The following STEAP3 variants were observed in gnomAD, a reference collection of about 807,000 sequenced individuals.
STEAP3 encodes STEAP3 metalloreductase, also known as metalloreductase STEAP3.
In STEAP3, 35 loss-of-function variants were observed where a neutral mutation model predicts 34.9. That is an observed-to-expected ratio of 1.00 (90% CI 0.76 to 1.33). STEAP3 has a LOEUF of 1.33. Ranked by LOEUF, STEAP3 falls within the 40% of genes most tolerant of loss-of-function variation. The pLI, the probability that STEAP3 is intolerant of heterozygous loss-of-function variation, is 0.00. For synonymous variants in STEAP3, 281 were observed against 301.6 expected (o/e 0.93, Z 0.71); for missense variants, 652 against 667.6 (o/e 0.98, Z 0.26).
intron 2 of STEAP3, among the ~76,000 whole-genome samples, chr2:119,232,502 C>A (rs111998336): frequency 6.6e-6 from 1 of 152,152 alleles, no homozygotes; most frequent in African/African-American, 2.4e-5. Context: ...GTGCCTGCCC[C>A]GCTCCTCTCT....
chr2:119,248,264 T>TA lies in STEAP3; in HGVS notation c.1050+58_1050+59insA, dbSNP rs1677512140. 3 of 1,321,206 alleles carry TA rather than the reference T, an allele frequency of 2.3e-6. No individual in the cohort carries two copies. In the African/African-American group the frequency reaches 5.2e-5, roughly 23 times the overall value. 81.8% of individuals were successfully genotyped at this position (1,321,206 alleles called of 1,614,324 possible). The stretch of plus-strand genomic sequence containing the variant: ...ACTCAGCACATGCTTGTCCAGCACC[T>TA]CCCCCCCCCACCAACCAGGTGCAGC... On this transcript the variant is annotated intron_variant, in intron 4 of 5. Coordinates refer to ENST00000393110, the MANE Select transcript of STEAP3 (RefSeq NM_182915.3).
intron 2 of STEAP3, among the ~76,000 whole-genome samples, chr2:119,240,586 A>AGGCCCATG (rs1677219028): frequency 1.3e-5 from 2 of 152,226 alleles, no homozygotes; most frequent in South Asian, 4.1e-4. Flanking sequence ...GCTGGCAGGC[A>AGGCCCATG]GGCCCATGGG....
intron 2 of STEAP3, among the ~76,000 whole-genome samples, chr2:119,237,684 C>T (rs1677131012): frequency 6.6e-6 from 1 of 152,236 alleles, no homozygotes; most frequent in South Asian, 2.1e-4. Context: ...GGTTTACACA[C>T]ACTAGTAGCA....
In STEAP3 at chr2:119,230,778, T is replaced by G. The variant is rs550684478; in HGVS notation, c.-235T>G. On this transcript the variant is annotated 5_prime_UTR_variant, in exon 2 of 6. Transcript: ENST00000393110. ...AGAGCTGCGCTCTCTCAGTGCACTCTCCAACCAAGCATCAGTCACCACTCC... is the reference window on the plus strand; with the variant it reads ...AGAGCTGCGCTCTCTCAGTGCACTCGCCAACCAAGCATCAGTCACCACTCC... 3 of 612,688 alleles carry G rather than the reference T, an allele frequency of 4.9e-6. No individual in the cohort carries two copies. The highest frequency in any genetic ancestry group is 8.9e-6 in the Non-Finnish European group (3 of 338,574). 38.0% of individuals were successfully genotyped at this position (612,688 alleles called of 1,614,324 possible).
intron 2 of STEAP3, among the ~76,000 whole-genome samples, chr2:119,240,015 C>T (rs1677199960): frequency 6.6e-6 from 1 of 151,326 alleles, no homozygotes; most frequent in East Asian, 1.9e-4. Flanking sequence ...ATTTTACTGA[C>T]CAGACAAAAA....
chr2:119,242,109 G>A (rs1030215642), intron 2 of STEAP3, among the ~76,000 whole-genome samples: 3 of 152,162 alleles, frequency 2.0e-5, no homozygotes, highest in South Asian at 2.1e-4. Flanking sequence ...GGTGGGGACC[G>A]CTTCTCACTC....
In STEAP3 at chr2:119,225,762, G is replaced by A. The variant is rs12373677; in HGVS notation, c.-394+1874G>A. Among the ~76,000 whole-genome samples, 1,097 of 152,364 alleles carry A rather than the reference G, an allele frequency of 7.2e-3. 14 individuals carry two copies. The highest frequency in any genetic ancestry group is 0.025 in the African/African-American group (1,042 of 41,576). ...TCTGGCTTTGGAGTCAGATGGACGA[G>A]TCCAAATCTCAGCTCCTTACCCCGT... is the stretch of plus-strand genomic sequence containing the variant. On this transcript the variant is annotated intron_variant, in intron 1 of 5. Coordinates refer to ENST00000393110, the MANE Select transcript of STEAP3 (RefSeq NM_182915.3).
Position 119,252,374 on chromosome 2 carries a change from C to T in STEAP3, c.1051-2310C>T, listed in dbSNP as rs116557337. Reference sequence around the variant, plus strand: ...TCTATGCCCCAAGGTTGCCCTTCCACACCCTGCCACCCCCTCCTCCTCTGA... The same window carrying T: ...TCTATGCCCCAAGGTTGCCCTTCCATACCCTGCCACCCCCTCCTCCTCTGA... On this transcript the variant is annotated intron_variant, in intron 4 of 5. Transcript: ENST00000393110. 7.5e-3 allele frequency among the ~76,000 whole-genome samples: 1,135 copies of T among 152,332 alleles called. 19 individuals are homozygous for T. The highest frequency in any genetic ancestry group is 0.026 in the African/African-American group (1,080 of 41,576).
chr2:119,226,238 A>G (rs1679036483), intron 1 of STEAP3, among the ~76,000 whole-genome samples: 2 of 152,338 alleles, frequency 1.3e-5, no homozygotes, highest in South Asian at 2.1e-4. Context: ...AAGGGAAGGA[A>G]GCAGGTCATT....
At chr2:119,228,487 C>CG (rs1039573224) in intron 1 of STEAP3, among the ~76,000 whole-genome samples, 1 of 152,198 alleles carries the variant, frequency 6.6e-6, no homozygotes, top group African/African-American at 2.4e-5. Flanking sequence ...AGAGCAGCTG[C>CG]GGGAAGTGAC....
intron 1 of STEAP3, among the ~76,000 whole-genome samples, chr2:119,226,385 G>A (rs73948618): frequency 0.038 from 5,767 of 152,240 alleles, 333 homozygotes; most frequent in South Asian, 0.17. Flanking sequence ...TCTAGACCAG[G>A]GAGTTGCCTC....
chr2:119,247,904 G>A lies in STEAP3; in HGVS notation c.748G>A (p.Val250Met). The change falls in exon 4 of 6, where the codon GTG becomes ATG. Residue 250 changes from valine (V) to methionine (M), a missense_variant. Physicochemically the swap from Val to Met is conservative, Grantham distance 21. Coordinates refer to ENST00000393110, the MANE Select transcript of STEAP3 (RefSeq NM_182915.3). ...CGTCCGGGACGTTCTGCAGCCCTAT[G>A]TGCAGGAAAGCCAGAACAAGTTCTT... The part of the protein sequence containing the change: ...NFVRDVLQPY[V>M]QESQNKFFKL... 8 of 1,613,884 alleles carry A rather than the reference G, an allele frequency of 5.0e-6. No individual in the cohort carries two copies. Among genetic ancestry groups the A allele is most frequent in the Non-Finnish European group, 6.8e-6 (8 of 1,180,002 alleles).
intron 4 of STEAP3, among the ~76,000 whole-genome samples, chr2:119,252,728 G>A (rs976036893): frequency 1.3e-5 from 2 of 152,168 alleles, no homozygotes; most frequent in African/African-American, 4.8e-5. Context: ...TAGGCTGGCT[G>A]AGAATCTCAT....
At chr2:119,258,181 T>A (rs1394257518) in intron 5 of STEAP3, among the ~76,000 whole-genome samples, 1 of 152,164 alleles carries the variant, frequency 6.6e-6, no homozygotes, top group Non-Finnish European at 1.5e-5. Context: ...TAAACTGACA[T>A]GGCGCTAGTG....
At chr2:119,262,905 T>G in intron 5 of STEAP3, 152 bp from the exon 6 acceptor site, 1 of 976,790 alleles carries the variant, frequency 1.0e-6, no homozygotes, top group South Asian at 1.5e-5. Flanking sequence ...AAGATCACAC[T>G]AAGAGAGTGA....
intron 1 of STEAP3, among the ~76,000 whole-genome samples, chr2:119,230,363 G>A (rs1408496590): frequency 6.6e-6 from 1 of 151,356 alleles, no homozygotes; most frequent in African/African-American, 2.5e-5. Flanking sequence ...GGGTCTGTCT[G>A]TCTGTCTGTC....
At chr2:119,246,072 G>A in intron 3 of STEAP3, 84 bp downstream of exon 3, 2 of 1,497,912 alleles carry the variant, frequency 1.3e-6, no homozygotes, top group Admixed American at 3.9e-5. Flanking sequence ...TGCTCTTTTT[G>A]ATATGTTATC....
intron 2 of STEAP3, among the ~76,000 whole-genome samples, chr2:119,243,764 C>T (rs1306079063): frequency 6.6e-6 from 1 of 152,252 alleles, no homozygotes; most frequent in Non-Finnish European, 1.5e-5. Context: ...GGGAGGCACA[C>T]AGACTTGTCT....
chr2:119,246,083 A>G (rs1677417048), intron 3 of STEAP3, 95 bp downstream of exon 3: 9 of 1,464,576 alleles, frequency 6.1e-6, no homozygotes, highest in Admixed American at 2.0e-5. Flanking sequence ...ATATGTTATC[A>G]TAACTAATCC....
Sources: gnomAD v4.1 joint callset for allele counts (sites outside exome capture counted in the v4.1 genomes callset) on GRCh38, gnomAD v4.1.1 for gene constraint, MANE v1.5 for transcripts, NCBI Gene and HGNC (gene_info 2026-07-23, HGNC 2026-07-21) for gene names.